SNX30: variants seen among roughly 807,000 people sequenced by gnomAD.
SNX30 encodes the protein sorting nexin-30.
A neutral mutation model predicts 46.4 loss-of-function variants in SNX30; 24 were observed. The ratio of observed to expected loss-of-function variants is 0.52; its 90% CI spans 0.37 to 0.73. The LOEUF is 0.73. Among genes scored for constraint, SNX30 ranks in the 30% least tolerant of loss-of-function variants. The pLI is 0.00. For missense variants in SNX30, 533 were observed against 555.7 expected (o/e 0.96, Z 0.41); for synonymous variants, 189 against 211.5 (o/e 0.89, Z 0.92).
chr9:112,794,554 C>T (rs117086661), intron 1 of SNX30, among the ~76,000 whole-genome samples: 2,782 of 152,256 alleles, frequency 0.018, 43 homozygotes, highest in Non-Finnish European at 0.029. Flanking sequence ...TTACCCTTAA[C>T]GTAAAGATGC....
At chr9:112,775,542 T>TTGTGTGTGTGTGTG (rs199600863) in intron 1 of SNX30, among the ~76,000 whole-genome samples, 4,599 of 131,306 alleles carry the variant, frequency 0.035, 170 homozygotes, top group South Asian at 0.048. Flanking sequence ...TATTTTAAAT[T>TTGTGTGTGTGTGTG]TGTGTGTGTG....
intron 8 of SNX30, among the ~76,000 whole-genome samples, chr9:112,865,345 C>T (rs1404600161): frequency 6.6e-6 from 1 of 151,954 alleles, no homozygotes; most frequent in Non-Finnish European, 1.5e-5. Flanking sequence ...AGTGCGAGGC[C>T]AGGTGCAGTG....
chr9:112,758,823 C>G (rs1367791459), intron 1 of SNX30, among the ~76,000 whole-genome samples: 2 of 151,792 alleles, frequency 1.3e-5, no homozygotes, highest in Non-Finnish European at 2.9e-5. Flanking sequence ...CCAGCCTGGG[C>G]AATATAGTGA....
chr9:112,810,494 A>T (rs1840303029), intron 2 of SNX30, among the ~76,000 whole-genome samples: 1 of 152,178 alleles, frequency 6.6e-6, no homozygotes, highest in Non-Finnish European at 1.5e-5. Context: ...GGAAGTAAAG[A>T]CATGAATGGA....
chr9:112,878,323 G>T (rs1841539775), downstream of SNX30: 1 of 152,186 alleles, frequency 6.6e-6, no homozygotes, highest in Admixed American at 6.5e-5. Context: ...CCTTCACACT[G>T]AATTCCTAAA....
chr9:112,857,805 CATCCATCTATCT>C (rs1431870150), intron 7 of SNX30, among the ~76,000 whole-genome samples: 7 of 151,902 alleles, frequency 4.6e-5, no homozygotes, highest in Non-Finnish European at 8.8e-5. Flanking sequence ...ACCATCCATC[CATCCATCTATCT>C]ATTTATTTAT....
Position 112,865,671 on chromosome 9 carries a change from GTATGCA to G in SNX30, c.1254+1273_1254+1278del, listed in dbSNP as rs1425399933. On this transcript the variant is annotated intron_variant, in intron 8 of 8. Coordinates refer to ENST00000374232, the MANE Select transcript of SNX30 (RefSeq NM_001012994.2). ...TATATATATATATATATGTATGTAT[GTATGCA>G]CACACACACACACGTATACACACAT... Among the ~76,000 whole-genome samples the G allele has an allele frequency of 4.8e-3, 408 of 85,222 alleles. 15 individuals are homozygous for G. Among genetic ancestry groups the G allele is most frequent in the African/African-American group, 0.017 (372 of 21,342 alleles). 55.9% of individuals were successfully genotyped at this position (85,222 alleles called of 152,430 possible).
intron 1 of SNX30, among the ~76,000 whole-genome samples, chr9:112,792,270 A>T (rs2131389232): frequency 6.6e-6 from 1 of 152,156 alleles, no homozygotes; most frequent in Non-Finnish European, 1.5e-5. Context: ...ATTTAATTTC[A>T]CCTTGATCAC....
At chr9:112,826,253 C>T (rs1840577700) in intron 3 of SNX30, among the ~76,000 whole-genome samples, 1 of 152,116 alleles carries the variant, frequency 6.6e-6, no homozygotes, top group Admixed American at 6.6e-5. Flanking sequence ...GCCGTTTCTG[C>T]ACTGGGTGGG....
At chr9:112,792,016 G>A (rs6477959) in intron 1 of SNX30, among the ~76,000 whole-genome samples, 142,673 of 152,276 alleles carry the variant, frequency 0.94, 66,913 homozygotes, top group East Asian at 1. Flanking sequence ...TGATGTTTAT[G>A]CTTGTTCTCA....
chr9:112,872,091 GTC>G lies in SNX30; in HGVS notation c.*3250_*3251del, dbSNP rs1417409154. ...GGAGATCATGGTGACTGTAAGCTAAGTCTGTTTTCATGCCAGATTTCAGCCCC... is the reference window on the plus strand; with the variant it reads ...GGAGATCATGGTGACTGTAAGCTAAGTGTTTTCATGCCAGATTTCAGCCCC... On this transcript the variant is annotated 3_prime_UTR_variant, in exon 9 of 9. Coordinates refer to ENST00000374232, the MANE Select transcript of SNX30 (RefSeq NM_001012994.2). 3.3e-5 allele frequency: 5 copies of G among 152,190 alleles called. No homozygotes were observed. The highest frequency in any genetic ancestry group is 1.2e-4 in the African/African-American group (5 of 41,434). 9.4% of individuals were successfully genotyped at this position (152,190 alleles called of 1,614,324 possible). A position where few individuals can be genotyped will look rare whatever the true frequency, so the allele number is the denominator to read the frequency against.
At chr9:112,786,302 G>A (rs771051256) in intron 1 of SNX30, among the ~76,000 whole-genome samples, 19 of 151,616 alleles carry the variant, frequency 1.3e-4, no homozygotes, top group Admixed American at 9.9e-4. Context: ...TATTTTTTTT[G>A]TAGAGACAGG....
At chr9:112,868,608 A>G (rs1348442294) in intron 8 of SNX30, among the ~76,000 whole-genome samples, 176 bp from the exon 9 acceptor site, 1 of 152,240 alleles carries the variant, frequency 6.6e-6, no homozygotes, top group East Asian at 1.9e-4. Context: ...TGACGCATTC[A>G]AAACAAACAC....
chr9:112,864,123 G>T, intron 7 of SNX30, 124 bp from the exon 8 acceptor site: 1 of 1,013,556 alleles, frequency 9.9e-7, no homozygotes, highest in Non-Finnish European at 1.5e-6. Flanking sequence ...CTCCAGAGGA[G>T]GGAGCGTGTT....
intron 1 of SNX30, among the ~76,000 whole-genome samples, chr9:112,754,479 C>T (rs960142382): frequency 7.1e-6 from 1 of 141,572 alleles, no homozygotes; most frequent in Non-Finnish European, 1.5e-5. Flanking sequence ...GGTGCAGTCT[C>T]ACTGCAACCT....
intron 5 of SNX30, among the ~76,000 whole-genome samples, chr9:112,837,156 A>G (rs1840769507): frequency 1.3e-5 from 2 of 151,846 alleles, no homozygotes; most frequent in Admixed American, 6.6e-5. Flanking sequence ...CAATGGCAAG[A>G]CTCTTGGTGA....
intron 1 of SNX30, among the ~76,000 whole-genome samples, chr9:112,784,991 G>A (rs1394665278): frequency 6.6e-6 from 1 of 152,168 alleles, no homozygotes; most frequent in African/African-American, 2.4e-5. Context: ...AACAGATTTT[G>A]CTTTCCATAT....
At chr9:112,864,055 C>T (rs943821929) in intron 7 of SNX30, among the ~76,000 whole-genome samples, 192 bp from the exon 8 acceptor site, 6 of 152,158 alleles carry the variant, frequency 3.9e-5, no homozygotes, top group African/African-American at 1.4e-4. Context: ...TAGGAGAGCC[C>T]CTTTTCAGAG....
At chr9:112,804,170 G>GT (rs971194918) in intron 1 of SNX30, among the ~76,000 whole-genome samples, 125 of 141,804 alleles carry the variant, frequency 8.8e-4, no homozygotes, top group Middle Eastern at 3.7e-3. Context: ...GCAGAGGTTT[G>GT]TTTTTTTTTT....
Sources: allele counts gnomAD v4.1 joint callset (sites outside exome capture counted in the v4.1 genomes callset), GRCh38; gene constraint gnomAD v4.1.1; transcripts MANE v1.5; gene names NCBI Gene and HGNC (gene_info 2026-07-23, HGNC 2026-07-21).